Variants in FNIP2 observed in about 807,000 individuals in gnomAD.
FNIP2 encodes folliculin-interacting protein 2.
Under a neutral mutation model 108.7 loss-of-function variants are expected in FNIP2, and 32 were observed. That is an observed-to-expected ratio of 0.29 (90% CI 0.22 to 0.40). The LOEUF is 0.40. FNIP2 is among the 10% of genes least tolerant of loss of function. The pLI, the probability that FNIP2 is intolerant of heterozygous loss-of-function variation, is 1.00. For synonymous variants in FNIP2, 480 were observed against 496.7 expected (o/e 0.97, Z 0.45); for missense variants, 1,202 against 1,381.6 (o/e 0.87, Z 2.06).
chr4:158,889,237 AT>A lies in FNIP2; in HGVS notation c.2950-2203del, dbSNP rs34759094. 4.7e-3 allele frequency among the ~76,000 whole-genome samples: 722 copies of A among 152,256 alleles called. 3 individuals are homozygous for A. The Middle Eastern group carries it at 0.051, about 11-fold the overall frequency. On this transcript the variant is annotated intron_variant, in intron 14 of 16. Transcript: ENST00000264433. ...ACTTGTGCTGATTTTTCATGTTAGT[AT>A]TTTTTAGTTTTACATTTCTCTTGCA...
intron 1 of FNIP2, among the ~76,000 whole-genome samples, chr4:158,807,194 A>G (rs1328941697): frequency 2.6e-5 from 4 of 152,154 alleles, no homozygotes; most frequent in African/African-American, 4.8e-5. Flanking sequence ...TTAGTGTAAA[A>G]GCAAGTTTAT....
At chr4:158,897,026 G>A (rs1052212932) in intron 16 of FNIP2, among the ~76,000 whole-genome samples, 4 of 151,644 alleles carry the variant, frequency 2.6e-5, no homozygotes, top group Middle Eastern at 3.2e-3. Context: ...GCCCCGGTGT[G>A]TGATGTTCCC....
intron 14 of FNIP2, among the ~76,000 whole-genome samples, chr4:158,880,262 CATAAAAA>C (rs1242190642): frequency 2.0e-5 from 3 of 152,122 alleles, no homozygotes; most frequent in Non-Finnish European, 4.4e-5. Flanking sequence ...ACAATGCAGC[CATAAAAA>C]ATGATGAGTT....
intron 7 of FNIP2, among the ~76,000 whole-genome samples, chr4:158,837,323 A>G (rs1054394827): frequency 9.2e-5 from 14 of 152,302 alleles, no homozygotes; most frequent in African/African-American, 2.9e-4. Flanking sequence ...GATGAGCAAC[A>G]TTCTACTGGG....
chr4:158,840,249 A>G (rs1171810165), intron 7 of FNIP2, among the ~76,000 whole-genome samples: 1 of 152,186 alleles, frequency 6.6e-6, no homozygotes, highest in Non-Finnish European at 1.5e-5. Context: ...ACAGATACTG[A>G]GATAATTTTC....
intron 1 of FNIP2, among the ~76,000 whole-genome samples, chr4:158,777,284 C>A (rs1313962031): frequency 1.3e-5 from 2 of 152,136 alleles, no homozygotes; most frequent in East Asian, 3.8e-4. Context: ...CAAATTGGTT[C>A]TCTCAAATTT....
intron 1 of FNIP2, among the ~76,000 whole-genome samples, chr4:158,813,951 A>G (rs1200728583): frequency 6.6e-6 from 1 of 152,056 alleles, no homozygotes. Flanking sequence ...GCTCCATTGT[A>G]TTACTGTTGC....
chr4:158,804,549 A>T (rs1776873677), intron 1 of FNIP2, among the ~76,000 whole-genome samples: 1 of 151,718 alleles, frequency 6.6e-6, no homozygotes, highest in East Asian at 1.9e-4. Context: ...AGTAGCTGGG[A>T]CTACAGGCGC....
At chr4:158,782,509 G>A (rs1462432478) in intron 1 of FNIP2, among the ~76,000 whole-genome samples, 1 of 148,664 alleles carries the variant, frequency 6.7e-6, no homozygotes, top group African/African-American at 2.5e-5. Context: ...TTTAATATCA[G>A]GAGCTTCCTT....
At position 158,895,838 on chromosome 4, in the gene FNIP2, A is replaced by C. The variant is rs1218665079; in HGVS notation, c.3239A>C (p.His1080Pro). 3.7e-6 allele frequency: 6 copies of C among 1,612,954 alleles called. No homozygotes were observed. Among genetic ancestry groups the C allele is most frequent in the Non-Finnish European group, 5.1e-6 (6 of 1,179,408 alleles). Residue 1080 changes from histidine (H) to proline (P), a missense_variant, in exon 16 of 17, where the codon CAT (histidine) becomes CCT (proline). His to Pro is a moderately conservative substitution (Grantham distance 77, BLOSUM62 -2). This residue lies in a region of FNIP2 where 142 missense variants were observed against 183.8 expected (regional missense o/e 0.77). Coordinates refer to ENST00000264433, the MANE Select transcript of FNIP2 (RefSeq NM_020840.3). ...TATCTCCGGGGACACACACGAGTCC[A>C]TGTGAAAGAATTAGGTGTCGTACTG... ...SEYLRGHTRV[H>P]VKELGVVLGI... is the part of the protein sequence containing the mutation.
chr4:158,839,049 T>G (rs959049658), intron 7 of FNIP2, among the ~76,000 whole-genome samples: 1 of 152,224 alleles, frequency 6.6e-6, no homozygotes, highest in African/African-American at 2.4e-5. Flanking sequence ...TATTTATGAC[T>G]GTTAATATTG....
At chr4:158,851,852 T>C (rs1313035716) in intron 8 of FNIP2, among the ~76,000 whole-genome samples, 1 of 152,220 alleles carries the variant, frequency 6.6e-6, no homozygotes, top group Non-Finnish European at 1.5e-5. Flanking sequence ...GTTTGTGATA[T>C]ATTCTCTTTG....
chr4:158,869,069 G>A lies in FNIP2; in HGVS notation c.2433G>A (p.Gly811=). 1.2e-6 allele frequency: 2 copies of A among 1,614,038 alleles called. No homozygotes were observed. The highest frequency in any genetic ancestry group is 1.7e-6 in the Non-Finnish European group (2 of 1,179,898). The change falls in exon 13 of 17, where the codon GGG becomes GGA. Residue 811 remains glycine (G), a synonymous_variant. Transcript: ENST00000264433. The part of the protein sequence containing the change: ...SRNDMAADIA[G]QLSHAADLGT... ...ACGACATGGCAGCAGATATTGCTGG[G>A]CAGCTCAGCCACGCTGCTGACTTGG...
chr4:158,871,595 A>T (rs1780952391), intron 14 of FNIP2: 2 of 985,260 alleles, frequency 2.0e-6, no homozygotes, highest in Non-Finnish European at 2.4e-6. Context: ...AGAGATGAGG[A>T]TAGGGCCATC....
At chr4:158,904,146 A>C (rs1369524636) in intron 16 of FNIP2, among the ~76,000 whole-genome samples, 2 of 152,228 alleles carry the variant, frequency 1.3e-5, no homozygotes, top group Non-Finnish European at 2.9e-5. Flanking sequence ...GTATGATACA[A>C]TGAAGTTATA....
chr4:158,861,958 C>T (rs1277108395), intron 12 of FNIP2, among the ~76,000 whole-genome samples, 182 bp downstream of exon 12: 1 of 152,098 alleles, frequency 6.6e-6, no homozygotes, highest in Non-Finnish European at 1.5e-5. Context: ...CTCTTTTTTC[C>T]CCTACTGGCA....
At chr4:158,843,547 G>A (rs1002129055) in intron 7 of FNIP2, among the ~76,000 whole-genome samples, 1 of 152,170 alleles carries the variant, frequency 6.6e-6, no homozygotes, top group Non-Finnish European at 1.5e-5. Context: ...ACAATAAAAT[G>A]TAGGCAACCA....
In FNIP2 at chr4:158,905,760, A is replaced by T. The variant is rs1729784011; in HGVS notation, c.*1216A>T. 1 of 152,126 alleles carries T rather than the reference A, an allele frequency of 6.6e-6. No homozygotes were observed. Among genetic ancestry groups the T allele is most frequent in the South Asian group, 2.1e-4 (1 of 4,832 alleles). 9.4% of individuals were successfully genotyped at this position (152,126 alleles called of 1,614,324 possible). A position where few individuals can be genotyped will look rare whatever the true frequency, so the allele number is the denominator to read the frequency against. On this transcript the variant is annotated 3_prime_UTR_variant, in exon 17 of 17. Coordinates refer to ENST00000264433, the MANE Select transcript of FNIP2 (RefSeq NM_020840.3). ...AAGAAACTTCAGTTTACTGACCGTG[A>T]AACAGACTATGTACTGACATCCAGG... is the stretch of plus-strand genomic sequence containing the variant.
intron 15 of FNIP2, among the ~76,000 whole-genome samples, chr4:158,892,141 CTTTTTTT>C (rs34895070): frequency 3.3e-4 from 37 of 113,500 alleles, no homozygotes; most frequent in African/African-American, 9.9e-4. Context: ...TCAATTGTTG[CTTTTTTT>C]TTTTTTTTTT....
Sources: allele counts gnomAD v4.1 joint callset (sites outside exome capture counted in the v4.1 genomes callset), GRCh38; gene constraint gnomAD v4.1.1; regional missense constraint gnomAD v4.1.1; transcripts MANE v1.5; gene names NCBI Gene and HGNC (gene_info 2026-07-23, HGNC 2026-07-21).